DISP1: variants seen among roughly 807,000 people sequenced by gnomAD.
DISP1 encodes protein dispatched homolog 1.
A neutral mutation model predicts 37.3 loss-of-function variants in DISP1; 30 were observed. The observed-to-expected ratio is 0.80, with a 90% CI of 0.60 to 1.09. The LOEUF is 1.09. Among genes scored for constraint, DISP1 ranks in the 50% least tolerant of loss-of-function variants. The pLI, the probability that DISP1 is intolerant of heterozygous loss-of-function variation, is 0.00. For synonymous variants in DISP1, 634 were observed against 690.2 expected (o/e 0.92, Z 1.28); for missense variants, 1,598 against 1,879.5 (o/e 0.85, Z 2.77).
chr1:222,850,137 A>T (rs1356586926), intron 1 of DISP1, among the ~76,000 whole-genome samples: 1 of 152,190 alleles, frequency 6.6e-6, no homozygotes, highest in Admixed American at 6.5e-5. Context: ...ACATAAAAAA[A>T]ATGCTTAGCA....
At chr1:222,907,141 A>G (rs35319605) in intron 1 of DISP1, among the ~76,000 whole-genome samples, 17,298 of 152,220 alleles carry the variant, frequency 0.11, 1,356 homozygotes, top group Non-Finnish European at 0.16. Flanking sequence ...GAACTGAGGC[A>G]GGATTGTTGT....
chr1:222,901,621 G>A (rs1211416886), intron 1 of DISP1, among the ~76,000 whole-genome samples: 2 of 152,078 alleles, frequency 1.3e-5, no homozygotes, highest in African/African-American at 4.8e-5. Flanking sequence ...TCTACCTCTC[G>A]GATTCAAGCG....
chr1:222,918,247 G>T (rs1020310242), intron 1 of DISP1, among the ~76,000 whole-genome samples: 2 of 152,136 alleles, frequency 1.3e-5, no homozygotes, highest in African/African-American at 4.8e-5. Context: ...CGCAGTATTG[G>T]ATTTCCCAGT....
intron 1 of DISP1, among the ~76,000 whole-genome samples, chr1:222,820,262 A>C (rs1057044217): frequency 2.8e-4 from 43 of 152,348 alleles, no homozygotes; most frequent in African/African-American, 1.0e-3. Context: ...GGGAAGGATG[A>C]GCAGAGAGTA....
At chr1:222,937,625 A>C (rs1310923485) in intron 2 of DISP1, among the ~76,000 whole-genome samples, 1 of 152,146 alleles carries the variant, frequency 6.6e-6, no homozygotes, top group African/African-American at 2.4e-5. Context: ...AAAATTGCTA[A>C]ATCATTCTGG....
rs35888809 is a variant in DISP1, at chr1:222,957,145, TAAAAAAAAAA to T, written c.509+13827_509+13836del. Among the ~76,000 whole-genome samples, 4 of 103,270 alleles carry T rather than the reference TAAAAAAAAAA, an allele frequency of 3.9e-5. 1 individual carries two copies. The highest frequency in any genetic ancestry group is 1.9e-5 in the Non-Finnish European group (1 of 52,278). The allele number at this position is 103,270 out of a possible 152,430, so 67.7% of individuals were successfully genotyped here. Reference sequence around the variant, plus strand: ...CTCTAAACTATTTTCTTTACTATTGTAAAAAAAAAAAAAAAAAAAAAAAGCATTCTTAGAT... The same window carrying T: ...CTCTAAACTATTTTCTTTACTATTGTAAAAAAAAAAAAAGCATTCTTAGAT... On this transcript the variant is annotated intron_variant, in intron 3 of 8. Coordinates refer to ENST00000675850, the MANE Select transcript of DISP1 (RefSeq NM_001377229.1).
intron 3 of DISP1, among the ~76,000 whole-genome samples, chr1:222,960,175 C>A (rs1675947271): frequency 6.6e-6 from 1 of 152,204 alleles, no homozygotes; most frequent in Non-Finnish European, 1.5e-5. Context: ...AATATACATT[C>A]TTTTCAGTGC....
chr1:222,949,191 C>T (rs879857806), intron 3 of DISP1, among the ~76,000 whole-genome samples: 26 of 152,004 alleles, frequency 1.7e-4, no homozygotes, highest in African/African-American at 4.6e-4. Flanking sequence ...GTCAGGAGTT[C>T]GAGACCAGCC....
At chr1:222,832,135 G>T (rs1665912894) in intron 1 of DISP1, among the ~76,000 whole-genome samples, 1 of 152,032 alleles carries the variant, frequency 6.6e-6, no homozygotes. Context: ...CAAAAAAAAT[G>T]TGGTGGGCGC....
rs1431100967 is a variant in DISP1, at chr1:223,003,375, G to A, written c.1978G>A (p.Glu660Lys). 1.2e-6 allele frequency: 2 copies of A among 1,613,984 alleles called. No individual in the cohort carries two copies. The highest frequency in any genetic ancestry group is 1.7e-5 in the Admixed American group (1 of 60,002). ...GCTTCCAGCAGTTGTTGTGCTGCATGAGCGGTATCTTCTTAATATATTCAC... is the reference window on the plus strand; with the variant it reads ...GCTTCCAGCAGTTGTTGTGCTGCATAAGCGGTATCTTCTTAATATATTCAC... Reference protein sequence around the residue: ...TWLPAVVVLHERYLLNIFTCF... With the variant: ...TWLPAVVVLHKRYLLNIFTCF... Residue 660 changes from glutamate to lysine, a missense_variant, in exon 9 of 9, where the codon GAG becomes AAG. Glu to Lys is a moderately conservative substitution (Grantham distance 56, BLOSUM62 1). Transcript: ENST00000675850. This position sits in a 1 kb window ranked among gnomAD's most constrained non-coding sequence, Gnocchi z 4.3.
In DISP1 at chr1:223,004,962, C is replaced by A; in HGVS notation, c.3565C>A (p.His1189Asn). The A allele has an allele frequency of 6.2e-7, 1 of 1,613,842 alleles. No homozygotes were observed. The highest frequency in any genetic ancestry group is 8.5e-7 in the Non-Finnish European group (1 of 1,180,022). ...DPRGPKSELE[H>N]EFYELEPLAS... ...CAGGGGCCCAAAATCTGAACTGGAG[C>A]ATGAGTTTTATGAATTAGAACCTCT... is the stretch of plus-strand genomic sequence containing the variant. The change falls in exon 9 of 9, where the codon CAT (histidine) becomes AAT (asparagine). Residue 1189 changes from histidine to asparagine, a missense_variant. Transcript: ENST00000675850. This position sits in a 1 kb window ranked among gnomAD's most constrained non-coding sequence, Gnocchi z 4.9.
chr1:222,932,421 C>T (rs1385057206), intron 2 of DISP1, among the ~76,000 whole-genome samples: 2 of 151,824 alleles, frequency 1.3e-5, no homozygotes. Context: ...TTAATGCATA[C>T]CTTAAGACTT....
intron 2 of DISP1, among the ~76,000 whole-genome samples, chr1:222,933,244 A>G (rs1051844493): frequency 1.3e-5 from 2 of 151,932 alleles, no homozygotes; most frequent in Non-Finnish European, 1.5e-5. Flanking sequence ...CTTCTGTATC[A>G]TTAAGTTGTT....
At chr1:222,953,911 T>C (rs1675411099) in intron 3 of DISP1, among the ~76,000 whole-genome samples, 1 of 152,220 alleles carries the variant, frequency 6.6e-6, no homozygotes, top group Admixed American at 6.5e-5. Context: ...TCTTTTACTT[T>C]AATAATGAAC....
intron 3 of DISP1, among the ~76,000 whole-genome samples, chr1:222,960,526 G>T (rs1675975239): frequency 6.6e-6 from 1 of 152,082 alleles, no homozygotes; most frequent in Non-Finnish European, 1.5e-5. Context: ...CTAGAAAGAT[G>T]TCACATTGAC....
chr1:222,846,141 T>C (rs1667881910), intron 1 of DISP1, among the ~76,000 whole-genome samples: 1 of 152,212 alleles, frequency 6.6e-6, no homozygotes, highest in Non-Finnish European at 1.5e-5. Flanking sequence ...TTTTTTTCTG[T>C]TTTGAAAATG....
At chr1:223,000,982 T>C (rs1258561779) in intron 8 of DISP1, among the ~76,000 whole-genome samples, 5 of 152,164 alleles carry the variant, frequency 3.3e-5, no homozygotes, top group African/African-American at 1.2e-4. Context: ...TAGGACCAGG[T>C]CATCTTTAGT....
chr1:222,920,588 A>G (rs1410401565), intron 1 of DISP1, among the ~76,000 whole-genome samples: 2 of 152,180 alleles, frequency 1.3e-5, no homozygotes, highest in African/African-American at 4.8e-5. Context: ...CTTGAATTCC[A>G]GTGTGAAATC....
chr1:223,005,419 G>A lies in DISP1; in HGVS notation c.4022G>A (p.Arg1341Lys). ...HIHHCPCLQG[R>K]VKPAGMQNSL... ...CACCACTGTCCCTGCCTGCAGGGCA[G>A]AGTAAAGCCAGCCGGAATGCAGAAT... The change falls in exon 9 of 9, where the codon AGA (arginine) becomes AAA (lysine). Residue 1341 changes from arginine to lysine, a missense_variant. Physicochemically the swap from Arg to Lys is conservative, Grantham distance 26. Transcript: ENST00000675850. The A allele has an allele frequency of 6.2e-7, 1 of 1,613,570 alleles. No homozygotes were observed.
Sources: gnomAD v4.1 joint callset for allele counts (sites outside exome capture counted in the v4.1 genomes callset) on GRCh38, gnomAD v4.1.1 for gene constraint, Gnocchi (gnomAD v3.1) non-coding constraint, MANE v1.5 for transcripts, NCBI Gene and HGNC (gene_info 2026-07-23, HGNC 2026-07-21) for gene names.